IL1RAPL2: variants seen among roughly 807,000 people sequenced by gnomAD.
The protein encoded by IL1RAPL2 is interleukin 1 receptor accessory protein like 2.
In IL1RAPL2, 3 loss-of-function variants were observed where a neutral mutation model predicts 44.1. The observed-to-expected ratio is 0.07, with a 90% CI of 0.03 to 0.18. The LOEUF is 0.18. Among genes scored for constraint, IL1RAPL2 ranks in the 10% least tolerant of loss-of-function variants. The probability of loss-of-function intolerance (pLI) is 1.00; values close to 1 mark genes in which losing one functional copy is unlikely to be tolerated. For missense variants in IL1RAPL2, 391 were observed against 496.4 expected, an observed-to-expected ratio of 0.79 and a Z score of 2.02; for synonymous variants, 181 against 178.8, an observed-to-expected ratio of 1.01 and a Z score of -0.10.
At chrX:105,109,826 GA>G (rs2147564837) in intron 2 of IL1RAPL2, among the ~76,000 whole-genome samples, 1 of 112,358 alleles carries the variant, frequency 8.9e-6, no homozygotes, top group Admixed American at 9.4e-5. Flanking sequence ...TGACAACGTA[GA>G]AAAATGCTGA....
intron 6 of IL1RAPL2, among the ~76,000 whole-genome samples, chrX:105,662,482 T>A (rs1330231345): frequency 1.8e-5 from 2 of 112,034 alleles, no homozygotes; most frequent in African/African-American, 6.5e-5. Context: ...AATAAACAAG[T>A]TAGCCATGGT....
At chrX:105,286,591 G>C (rs774568769) in intron 5 of IL1RAPL2, among the ~76,000 whole-genome samples, 1 of 97,607 alleles carries the variant, frequency 1.0e-5, no homozygotes, top group Non-Finnish European at 1.9e-5. Context: ...GTAAGACAAC[G>C]ATAGAACAAA....
At chrX:105,096,571 A>G (rs938421882) in intron 2 of IL1RAPL2, among the ~76,000 whole-genome samples, 3 of 112,257 alleles carry the variant, frequency 2.7e-5, no homozygotes, top group Non-Finnish European at 5.6e-5. Context: ...TGAAAACATT[A>G]TGCTAAGTGA....
chrX:104,662,109 G>A (rs1049827112), intron 2 of IL1RAPL2, among the ~76,000 whole-genome samples: 1 of 112,177 alleles, frequency 8.9e-6, no homozygotes, highest in Non-Finnish European at 1.9e-5. Context: ...AGTAACAGAT[G>A]TGAGTTAGGT....
intron 6 of IL1RAPL2, among the ~76,000 whole-genome samples, chrX:105,520,686 G>A (rs962824505): frequency 9.0e-6 from 1 of 110,974 alleles, no homozygotes; most frequent in Non-Finnish European, 1.9e-5. Context: ...ACTGAGAAAA[G>A]ACTTAATGAG....
intron 2 of IL1RAPL2, among the ~76,000 whole-genome samples, chrX:105,173,526 T>C (rs911210651): frequency 9.0e-6 from 1 of 111,269 alleles, no homozygotes; most frequent in South Asian, 3.8e-4. Context: ...CTGGGTTGTG[T>C]TACTGTCAAA....
At chrX:105,010,660 A>G (rs1320970407) in intron 2 of IL1RAPL2, among the ~76,000 whole-genome samples, 1 of 111,306 alleles carries the variant, frequency 9.0e-6, no homozygotes, top group Non-Finnish European at 1.9e-5. Flanking sequence ...GTCTTTGCCA[A>G]ATAATCTTGC....
intron 2 of IL1RAPL2, among the ~76,000 whole-genome samples, chrX:104,938,353 C>A (rs1195474919): frequency 9.0e-6 from 1 of 111,563 alleles, no homozygotes; most frequent in Non-Finnish European, 1.9e-5. Flanking sequence ...ATTGCTTTAT[C>A]TTTTATTCTC....
intron 6 of IL1RAPL2, among the ~76,000 whole-genome samples, chrX:105,667,295 A>G (rs1385516000): frequency 1.8e-5 from 2 of 112,095 alleles, no homozygotes; most frequent in East Asian, 5.6e-4. Context: ...AGGACCGGGT[A>G]AAGCAGTTAA....
intron 5 of IL1RAPL2, among the ~76,000 whole-genome samples, chrX:105,443,508 C>A (rs970891382): frequency 8.9e-6 from 1 of 111,769 alleles, no homozygotes; most frequent in Admixed American, 9.5e-5. Flanking sequence ...CCCCCACTAC[C>A]TTTCCTAGCC....
intron 2 of IL1RAPL2, among the ~76,000 whole-genome samples, chrX:104,685,218 G>T (rs1930963770): frequency 8.9e-6 from 1 of 112,071 alleles, no homozygotes; most frequent in Non-Finnish European, 1.9e-5. Flanking sequence ...AACCTTGAAA[G>T]TCCACTCAGG....
At chrX:105,158,996 T>G (rs1264121620) in intron 2 of IL1RAPL2, among the ~76,000 whole-genome samples, 14 of 112,166 alleles carry the variant, frequency 1.2e-4, no homozygotes, top group Admixed American at 1.2e-3. Context: ...TGCTCCAGGC[T>G]GGTGACTGTG....
intron 2 of IL1RAPL2, among the ~76,000 whole-genome samples, chrX:104,878,990 C>T (rs1922985270): frequency 9.0e-6 from 1 of 110,731 alleles, no homozygotes; most frequent in Non-Finnish European, 1.9e-5. Flanking sequence ...ATCTTGATTT[C>T]CAACCGAGCC....
chrX:105,020,226 T>A (rs780942986), intron 2 of IL1RAPL2, among the ~76,000 whole-genome samples: 1 of 110,967 alleles, frequency 9.0e-6, no homozygotes, highest in East Asian at 2.9e-4. Flanking sequence ...CTCAAAAGAT[T>A]CTTTCATCTC....
chrX:104,595,758 A>C (rs181593936), intron 1 of IL1RAPL2, among the ~76,000 whole-genome samples: 53 of 111,763 alleles, frequency 4.7e-4, no homozygotes, highest in African/African-American at 1.6e-3. Context: ...CAAATGGTTT[A>C]TTTTCTCAAA....
chrX:105,430,145 G>A (rs60982906), intron 5 of IL1RAPL2, among the ~76,000 whole-genome samples: 2,627 of 111,532 alleles, frequency 0.024, 80 homozygotes, highest in African/African-American at 0.081. Context: ...TCTACAATTC[G>A]CATTAATGAT....
chrX:105,105,759 A>T, intron 2 of IL1RAPL2, among the ~76,000 whole-genome samples: 1 of 112,313 alleles, frequency 8.9e-6, no homozygotes, highest in Admixed American at 9.4e-5. Context: ...CACAAATATT[A>T]AAAGCTCCTT....
chrX:105,049,173 T>C (rs2031883796), intron 2 of IL1RAPL2, among the ~76,000 whole-genome samples: 1 of 109,950 alleles, frequency 9.1e-6, no homozygotes, highest in South Asian at 3.9e-4. Context: ...TTTTTTTTTT[T>C]TCAAGTTTCA....
intron 2 of IL1RAPL2, among the ~76,000 whole-genome samples, chrX:104,911,485 C>T (rs1365056244): frequency 9.0e-6 from 1 of 111,069 alleles, no homozygotes; most frequent in East Asian, 2.8e-4. Context: ...TGAGTGAGGT[C>T]CTGTTGACTC....
Sources: gnomAD v4.1 joint callset for allele counts (sites outside exome capture counted in the v4.1 genomes callset) on GRCh38, gnomAD v4.1.1 for gene constraint, MANE v1.5 for transcripts, NCBI Gene and HGNC (gene_info 2026-07-23, HGNC 2026-07-21) for gene names.